Variants in FILIP1L observed in about 807,000 individuals in gnomAD.
FILIP1L encodes the protein filamin A-interacting protein 1-like.
FILIP1L carries 55 observed loss-of-function variants against 96.6 expected under a neutral mutation model. That is an observed-to-expected ratio of 0.57 (90% CI 0.46 to 0.71). The LOEUF is 0.71. Ranked by LOEUF, FILIP1L falls within the 30% of genes least tolerant of loss-of-function variation. FILIP1L has a pLI of 0.00. For missense variants in FILIP1L, 1,304 were observed against 1,321.2 expected (o/e 0.99, Z 0.20); for synonymous variants, 467 against 473.9 (o/e 0.99, Z 0.19).
At chr3:100,108,807 C>T (rs2066436983) in intron 1 of FILIP1L, among the ~76,000 whole-genome samples, 2 of 152,136 alleles carry the variant, frequency 1.3e-5, no homozygotes, top group African/African-American at 4.8e-5. Context: ...ATGCTCAGCA[C>T]AGCGTGTGGT....
chr3:99,936,670 G>A (rs1178886107), intron 1 of FILIP1L, among the ~76,000 whole-genome samples: 1 of 149,386 alleles, frequency 6.7e-6, no homozygotes, highest in Non-Finnish European at 1.5e-5. Context: ...CCTGCGCCCA[G>A]CCCGCTTGAA....
chr3:99,893,128 A>G (rs918355638), intron 4 of FILIP1L, among the ~76,000 whole-genome samples: 6 of 139,706 alleles, frequency 4.3e-5, no homozygotes, highest in Admixed American at 7.1e-5. Context: ...GCTTTCAGGT[A>G]TCTCTATTTC....
intron 1 of FILIP1L, among the ~76,000 whole-genome samples, chr3:99,976,979 TC>T (rs1199160551): frequency 6.6e-6 from 1 of 152,188 alleles, no homozygotes; most frequent in African/African-American, 2.4e-5. Context: ...TTGCAGGAAT[TC>T]TATCCTCTTA....
At chr3:100,001,666 C>T (rs772287422) in intron 1 of FILIP1L, among the ~76,000 whole-genome samples, 1 of 152,106 alleles carries the variant, frequency 6.6e-6, no homozygotes, top group Non-Finnish European at 1.5e-5. Context: ...ACATCTTCTC[C>T]CTTTCTCTTC....
At chr3:100,003,544 A>G (rs1709903527) in intron 1 of FILIP1L, among the ~76,000 whole-genome samples, 1 of 152,152 alleles carries the variant, frequency 6.6e-6, no homozygotes, top group Non-Finnish European at 1.5e-5. Flanking sequence ...GGCCCAGGTG[A>G]CTTAGCTAAT....
At chr3:100,051,136 G>A (rs1277358912) in intron 1 of FILIP1L, 1 of 152,026 alleles carries the variant, frequency 6.6e-6, no homozygotes, top group Non-Finnish European at 1.5e-5. Flanking sequence ...GTTAAGATCA[G>A]TGAAACCCTT....
chr3:100,027,759 A>G (rs1038306192), intron 1 of FILIP1L, among the ~76,000 whole-genome samples: 1 of 152,202 alleles, frequency 6.6e-6, no homozygotes, highest in Non-Finnish European at 1.5e-5. Context: ...TTTCTGCAAC[A>G]CAGAGTTTAG....
chr3:99,929,808 C>T lies in FILIP1L; in HGVS notation c.426+48G>A, dbSNP rs143971239. ...TTACAGATCATGCTCATCTGCAGGG[C>T]TAGTGCTTGGCTGCCTCCCAGGTAC... On this transcript the variant is annotated intron_variant, in intron 3 of 5. Transcript: ENST00000477258. The T allele has an allele frequency of 5.0e-6, 7 of 1,409,832 alleles. No homozygotes were observed. In the African/African-American group the frequency reaches 1.0e-4, roughly 20 times the overall value. 87.3% of individuals were successfully genotyped at this position (1,409,832 alleles called of 1,614,324 possible). A position where few individuals can be genotyped will look rare whatever the true frequency, so the allele number is the denominator to read the frequency against.
chr3:100,032,447 G>A (rs377765282), intron 1 of FILIP1L, among the ~76,000 whole-genome samples: 15 of 152,270 alleles, frequency 9.9e-5, no homozygotes, highest in South Asian at 2.1e-4. Context: ...CATTTTATTC[G>A]GAATGGCAGC....
chr3:100,033,332 A>C (rs1408743043), intron 1 of FILIP1L, among the ~76,000 whole-genome samples: 1 of 152,080 alleles, frequency 6.6e-6, no homozygotes, highest in Middle Eastern at 3.2e-3. Context: ...CCTCACCTCT[A>C]TCGAGTGGCA....
chr3:100,068,016 A>T (rs1446634349), intron 1 of FILIP1L, among the ~76,000 whole-genome samples: 1 of 152,228 alleles, frequency 6.6e-6, no homozygotes, highest in South Asian at 2.1e-4. Context: ...CCTCCACAGC[A>T]TAAGCTTTAA....
intron 1 of FILIP1L, among the ~76,000 whole-genome samples, chr3:100,094,936 C>T (rs2066178258): frequency 6.6e-6 from 1 of 152,044 alleles, no homozygotes; most frequent in African/African-American, 2.4e-5. Flanking sequence ...GATCCACCCG[C>T]CTCGGCCTCC....
intron 1 of FILIP1L, among the ~76,000 whole-genome samples, chr3:99,988,527 A>AAAAG (rs1553703280): frequency 0.021 from 2,730 of 129,062 alleles, 33 homozygotes; most frequent in Non-Finnish European, 0.028. Flanking sequence ...AAAAAAAAAA[A>AAAAG]AAAGAAAGAA....
At chr3:99,911,931 C>T (rs544037760) in intron 4 of FILIP1L, among the ~76,000 whole-genome samples, 1 of 152,112 alleles carries the variant, frequency 6.6e-6, no homozygotes, top group South Asian at 2.1e-4. Flanking sequence ...CCAAAATGTT[C>T]GTTCTCTCTT....
chr3:99,890,814 A>G (rs1706060748), intron 4 of FILIP1L, among the ~76,000 whole-genome samples: 1 of 151,668 alleles, frequency 6.6e-6, no homozygotes, highest in Non-Finnish European at 1.5e-5. Context: ...TGATTCTGCC[A>G]TTTAATGTCA....
intron 4 of FILIP1L, among the ~76,000 whole-genome samples, chr3:99,906,318 C>A (rs1706617527): frequency 6.6e-6 from 1 of 152,044 alleles, no homozygotes; most frequent in Non-Finnish European, 1.5e-5. Context: ...TGCTTATTTG[C>A]ATATTCTCTT....
intron 1 of FILIP1L, among the ~76,000 whole-genome samples, chr3:99,950,192 T>C (rs1235088248): frequency 6.6e-6 from 1 of 152,178 alleles, no homozygotes; most frequent in Non-Finnish European, 1.5e-5. Flanking sequence ...TTTACTTCCT[T>C]ATCTATATTT....
intron 1 of FILIP1L, among the ~76,000 whole-genome samples, chr3:100,045,374 A>G (rs1440766707): frequency 6.6e-6 from 1 of 152,216 alleles, no homozygotes; most frequent in Non-Finnish European, 1.5e-5. Flanking sequence ...CTAATTGACA[A>G]AGAGGAGAGT....
chr3:100,029,787 G>T (rs1576654540), intron 1 of FILIP1L, among the ~76,000 whole-genome samples: 1 of 152,126 alleles, frequency 6.6e-6, no homozygotes, highest in Admixed American at 6.5e-5. Flanking sequence ...TTGTAGCTGA[G>T]CCTGTCACTA....
Sources: allele counts gnomAD v4.1 joint callset (sites outside exome capture counted in the v4.1 genomes callset), GRCh38; gene constraint gnomAD v4.1.1; transcripts MANE v1.5; gene names NCBI Gene and HGNC (gene_info 2026-07-23, HGNC 2026-07-21).